The following TNR variants were observed in gnomAD, a reference collection of about 807,000 sequenced individuals.
TNR encodes the protein tenascin-R.
In TNR, 45 loss-of-function variants were observed where a neutral mutation model predicts 150.4. The ratio of observed to expected loss-of-function variants is 0.30; its 90% CI spans 0.24 to 0.38. TNR has a LOEUF of 0.38. Among genes scored for constraint, TNR ranks in the 10% least tolerant of loss-of-function variants. The pLI is 1.00. For synonymous variants in TNR, 687 were observed against 678.4 expected (o/e 1.01, Z -0.20); for missense variants, 1,544 against 1,759.1 (o/e 0.88, Z 2.19).
intron 2 of TNR, among the ~76,000 whole-genome samples, chr1:175,431,936 C>CCTTCTCTCTCTCTCT (rs1655289440): frequency 3.8e-5 from 2 of 52,354 alleles, no homozygotes; most frequent in Non-Finnish European, 3.5e-5. Flanking sequence ...TCTCTCTCTC[C>CCTTCTCTCTCTCTCT]CTCTGTCTCT....
rs149300143 is a variant in TNR, at chr1:175,701,915, T to C, written c.-165+41311A>G. 1.5e-3 allele frequency among the ~76,000 whole-genome samples: 221 copies of C among 152,346 alleles called. 4 individuals are homozygous for C. Among genetic ancestry groups the C allele is most frequent in the African/African-American group, 5.1e-3 (214 of 41,574 alleles). ...CCAATTAGAGAACTTAAGCCGCATC[T>C]CCTTTCTCCAGGTTAGAGGCTCCAG... On this transcript the variant is annotated intron_variant, in intron 1 of 22. Transcript: ENST00000367674.
At chr1:175,544,135 G>A (rs1327357660) in intron 1 of TNR, among the ~76,000 whole-genome samples, 3 of 152,322 alleles carry the variant, frequency 2.0e-5, no homozygotes, top group South Asian at 4.1e-4. Flanking sequence ...AGGTATGTGG[G>A]AGAGCCTTTG....
chr1:175,473,331 G>GTT (rs1460418468), intron 2 of TNR, among the ~76,000 whole-genome samples: 2 of 152,164 alleles, frequency 1.3e-5, no homozygotes, highest in Non-Finnish European at 2.9e-5. Context: ...GCACACACAT[G>GTT]CTCATCACCA....
chr1:175,350,592 A>C (rs1651008349), intron 18 of TNR, among the ~76,000 whole-genome samples: 1 of 152,220 alleles, frequency 6.6e-6, no homozygotes, highest in Admixed American at 6.5e-5. Context: ...TTGTGCAAAC[A>C]CCAGAGACAA....
intron 1 of TNR, among the ~76,000 whole-genome samples, chr1:175,655,173 G>C (rs868615007): frequency 7.2e-5 from 11 of 152,122 alleles, no homozygotes; most frequent in Non-Finnish European, 1.3e-4. Flanking sequence ...CTTGTTCACT[G>C]TTACAGCCCA....
At chr1:175,331,079 T>TTTCTTTCTTTCCTTC (rs1557868083) in intron 20 of TNR, among the ~76,000 whole-genome samples, 2 of 77,366 alleles carry the variant, frequency 2.6e-5, no homozygotes, top group African/African-American at 4.5e-5. Context: ...CTTTCTTTCC[T>TTTCTTTCTTTCCTTC]TCTTTCTTTC....
chr1:175,439,505 A>G (rs1419128839), intron 2 of TNR, among the ~76,000 whole-genome samples: 2 of 152,168 alleles, frequency 1.3e-5, no homozygotes, highest in Non-Finnish European at 2.9e-5. Flanking sequence ...CAATGGCAAC[A>G]AAAGCCAAAA....
intron 1 of TNR, among the ~76,000 whole-genome samples, chr1:175,549,883 G>A (rs1660866527): frequency 6.6e-6 from 1 of 152,214 alleles, no homozygotes; most frequent in East Asian, 1.9e-4. Flanking sequence ...ATCCCAGTCT[G>A]AGAACCTGAG....
intron 2 of TNR, among the ~76,000 whole-genome samples, chr1:175,453,692 C>A (rs1209855913): frequency 1.3e-5 from 2 of 152,226 alleles, no homozygotes; most frequent in Non-Finnish European, 2.9e-5. Context: ...CTACCTCAGC[C>A]TCCCAAGTAG....
intron 2 of TNR, among the ~76,000 whole-genome samples, chr1:175,497,458 C>A (rs1658535986): frequency 6.6e-6 from 1 of 152,214 alleles, no homozygotes; most frequent in African/African-American, 2.4e-5. Context: ...ACAACAATTG[C>A]TTCCAATTGT....
At chr1:175,657,934 TAA>T (rs5778866) in intron 1 of TNR, among the ~76,000 whole-genome samples, 40 of 123,468 alleles carry the variant, frequency 3.2e-4, no homozygotes, top group East Asian at 1.7e-3. Context: ...TAAAGTATAA[TAA>T]AAAAAAAAAG....
intron 1 of TNR, among the ~76,000 whole-genome samples, chr1:175,638,459 G>A (rs1022738043): frequency 2.0e-5 from 3 of 152,148 alleles, no homozygotes; most frequent in East Asian, 3.9e-4. Flanking sequence ...ATGGCTTCGC[G>A]GTAAGTGGGC....
chr1:175,388,667 CT>C (rs548805745), intron 7 of TNR, among the ~76,000 whole-genome samples: 236 of 152,340 alleles, frequency 1.5e-3, no homozygotes, highest in African/African-American at 5.4e-3. Context: ...TTGCTTTCAG[CT>C]TTGGTCCTAA....
Position 175,438,780 on chromosome 1 carries a change from A to T in TNR, c.-63-32003T>A, listed in dbSNP as rs539861289. ...GAGTGAACTCCCATTCACAATTGCT[A>T]CAAAGAGAATAAAATACCTAGGAAT... On this transcript the variant is annotated intron_variant, in intron 2 of 22. Coordinates refer to ENST00000367674, the MANE Select transcript of TNR (RefSeq NM_003285.3). 3.6e-4 allele frequency among the ~76,000 whole-genome samples: 55 copies of T among 152,094 alleles called. 1 individual carries two copies. Among genetic ancestry groups the T allele is most frequent in the Admixed American group, 1.2e-3 (18 of 15,264 alleles).
chr1:175,654,627 T>A (rs1665113622), intron 1 of TNR, among the ~76,000 whole-genome samples: 1 of 151,152 alleles, frequency 6.6e-6, no homozygotes, highest in Non-Finnish European at 1.5e-5. Flanking sequence ...TTGAAATGCA[T>A]CCTCCTTCCT....
intron 18 of TNR, among the ~76,000 whole-genome samples, chr1:175,350,160 A>G (rs967083606): frequency 1.3e-5 from 2 of 152,220 alleles, no homozygotes; most frequent in African/African-American, 4.8e-5. Flanking sequence ...GTAGACTCCA[A>G]AGTTTTCTTA....
chr1:175,400,754 G>A (rs565423739), intron 4 of TNR, among the ~76,000 whole-genome samples: 1 of 152,218 alleles, frequency 6.6e-6, no homozygotes, highest in South Asian at 2.1e-4. Context: ...AGTCCCATGG[G>A]CAATGGGAAC....
intron 2 of TNR, among the ~76,000 whole-genome samples, chr1:175,527,558 T>C (rs1304178356): frequency 6.6e-6 from 1 of 152,100 alleles, no homozygotes; most frequent in African/African-American, 2.4e-5. Context: ...TTTTGTGCAA[T>C]AAAAAACGGC....
chr1:175,346,110 A>C (rs954772237), intron 18 of TNR, among the ~76,000 whole-genome samples: 12 of 152,322 alleles, frequency 7.9e-5, no homozygotes, highest in East Asian at 3.8e-4. Flanking sequence ...AAAAAACCAC[A>C]AAAGTTCCTT....
Sources: gnomAD v4.1 joint callset for allele counts (sites outside exome capture counted in the v4.1 genomes callset) on GRCh38, gnomAD v4.1.1 for gene constraint, MANE v1.5 for transcripts, NCBI Gene and HGNC (gene_info 2026-07-23, HGNC 2026-07-21) for gene names.